Variants in KLF12 observed in about 807,000 individuals in gnomAD.
KLF12 encodes Krueppel-like factor 12.
In KLF12, 9 loss-of-function variants were observed where a neutral mutation model predicts 37.8. The ratio of observed to expected loss-of-function variants is 0.24; its 90% confidence interval spans 0.14 to 0.42. The LOEUF (loss-of-function observed/expected upper bound fraction) is 0.42, where lower values mean the gene tolerates loss of function less well. Among genes scored for constraint, KLF12 ranks in the 10% least tolerant of loss-of-function variants. The probability of loss-of-function intolerance (pLI) is 1.00; values close to 1 mark genes in which losing one functional copy is unlikely to be tolerated. For missense variants in KLF12, 411 were observed against 516.0 expected, an observed-to-expected ratio of 0.80 and a Z score of 1.97; for synonymous variants, 208 against 202.1, an observed-to-expected ratio of 1.03 and a Z score of -0.25.
intron 2 of KLF12, among the ~76,000 whole-genome samples, chr13:73,965,239 A>T (rs533862753): frequency 6.6e-6 from 1 of 152,336 alleles, no homozygotes; most frequent in South Asian, 2.1e-4. Context: ...TTAATAGGTC[A>T]ATGCTGCCAC....
chr13:73,944,932 T>C (rs1170042417), intron 2 of KLF12, among the ~76,000 whole-genome samples: 2 of 152,196 alleles, frequency 1.3e-5, no homozygotes, highest in Admixed American at 1.3e-4. Context: ...AGAATGCTAA[T>C]TTCTCTGTTA....
At chr13:73,996,501 T>C (rs1218937965) in intron 1 of KLF12, among the ~76,000 whole-genome samples, 1 of 152,270 alleles carries the variant, frequency 6.6e-6, no homozygotes, top group East Asian at 1.9e-4. Flanking sequence ...GGTAGTTCTA[T>C]AATTTTTTTC....
intron 6 of KLF12, among the ~76,000 whole-genome samples, chr13:73,738,020 CAA>C (rs869166275): frequency 0.4 from 39,634 of 98,808 alleles, 5,956 homozygotes; most frequent in African/African-American, 0.49. Context: ...CTTCATTCAA[CAA>C]ACACACACAC....
intron 1 of KLF12, among the ~76,000 whole-genome samples, chr13:74,126,573 A>C (rs973413643): frequency 1.3e-5 from 2 of 152,184 alleles, no homozygotes; most frequent in African/African-American, 4.8e-5. Flanking sequence ...AAGATAATAA[A>C]CTTTCTCATA....
At chr13:74,217,674 C>G in the KLF12 span, among the ~76,000 whole-genome samples, 3 of 152,120 alleles carry the variant, frequency 2.0e-5, no homozygotes, top group East Asian at 5.8e-4. Flanking sequence ...TTGCAGTGAG[C>G]CGAGATTGCG....
chr13:74,029,421 TTTTAAG>T (rs756701304), intron 1 of KLF12, among the ~76,000 whole-genome samples: 1 of 152,120 alleles, frequency 6.6e-6, no homozygotes, highest in African/African-American at 2.4e-5. Context: ...TAAATTAAAA[TTTTAAG>T]TTTAAGATCA....
chr13:73,690,090 G>C lies in KLF12; in HGVS notation c.*5400C>G, dbSNP rs898939378. The C allele has an allele frequency of 1.3e-5, 2 of 152,478 alleles. No homozygotes were observed. The highest frequency in any genetic ancestry group is 6.6e-5 in the Admixed American group (1 of 15,252). The allele number at this position is 152,478 out of a possible 1,614,324, so 9.4% of individuals were successfully genotyped here. On this transcript the variant is annotated 3_prime_UTR_variant, in exon 8 of 8. Transcript: ENST00000377669. ...AGCGTTTTTTGTGGGCATGTGAACA[G>C]ATTTGATTTACTATGTGTATGTATT... is the stretch of plus-strand genomic sequence containing the variant.
chr13:73,987,865 C>CA (rs1361892383), intron 2 of KLF12, among the ~76,000 whole-genome samples: 1 of 149,564 alleles, frequency 6.7e-6, no homozygotes, highest in Admixed American at 6.6e-5. Flanking sequence ...AGAGGAACTG[C>CA]AGGGAGAGGG....
intron 3 of KLF12, among the ~76,000 whole-genome samples, chr13:73,908,937 T>C (rs1025598419): frequency 1.3e-5 from 2 of 152,152 alleles, no homozygotes; most frequent in South Asian, 2.1e-4. Flanking sequence ...ATAAAATATT[T>C]GATGAATGAA....
intron 1 of KLF12, among the ~76,000 whole-genome samples, chr13:74,117,398 A>G (rs1316864692): frequency 6.6e-6 from 1 of 152,230 alleles, no homozygotes; most frequent in Non-Finnish European, 1.5e-5. Context: ...AAAAATCTAA[A>G]TAAGAGACTA....
chr13:74,291,505 T>C, the KLF12 span, among the ~76,000 whole-genome samples: 16 of 152,260 alleles, frequency 1.1e-4, no homozygotes, highest in Admixed American at 9.8e-4. Flanking sequence ...GACAACAAGG[T>C]CAGTCTGTTC....
the KLF12 span, among the ~76,000 whole-genome samples, chr13:74,174,996 A>C: frequency 1.3e-5 from 2 of 152,328 alleles, no homozygotes; most frequent in African/African-American, 2.4e-5. Flanking sequence ...CACAGCTTCC[A>C]CTGCCACTAA....
At chr13:74,213,894 T>C in the KLF12 span, among the ~76,000 whole-genome samples, 3 of 152,148 alleles carry the variant, frequency 2.0e-5, no homozygotes, top group Admixed American at 1.3e-4. Context: ...AATTACTATG[T>C]ATTTCTCTCT....
chr13:73,930,648 C>T (rs995945300), intron 3 of KLF12, among the ~76,000 whole-genome samples: 1 of 151,982 alleles, frequency 6.6e-6, no homozygotes, highest in Non-Finnish European at 1.5e-5. Flanking sequence ...GAGTAAAATC[C>T]AGAATACAGA....
chr13:74,013,722 T>G (rs917377640), intron 1 of KLF12, among the ~76,000 whole-genome samples: 1 of 152,142 alleles, frequency 6.6e-6, no homozygotes, highest in African/African-American at 2.4e-5. Context: ...AGCATCTATT[T>G]TACTTGTAGG....
chr13:73,828,274 T>C (rs1039445490), intron 4 of KLF12, among the ~76,000 whole-genome samples: 1 of 152,210 alleles, frequency 6.6e-6, no homozygotes, highest in East Asian at 1.9e-4. Flanking sequence ...CACTGTACTA[T>C]ATCTAGATGT....
chr13:74,064,994 T>A (rs1299454872), intron 1 of KLF12, among the ~76,000 whole-genome samples: 1 of 152,158 alleles, frequency 6.6e-6, no homozygotes, highest in African/African-American at 2.4e-5. Flanking sequence ...TGTACACACA[T>A]ACACATACTT....
intron 1 of KLF12, among the ~76,000 whole-genome samples, chr13:74,006,995 T>C (rs1230170941): frequency 1.3e-5 from 2 of 152,186 alleles, no homozygotes; most frequent in South Asian, 2.1e-4. Flanking sequence ...TCAATTTACA[T>C]TTACTTTCAC....
chr13:74,150,984 C>T, the KLF12 span, among the ~76,000 whole-genome samples: 1 of 152,210 alleles, frequency 6.6e-6, no homozygotes, highest in Admixed American at 6.5e-5. Context: ...TTTTCAATGA[C>T]TTTGATTCCA....
Sources: allele counts gnomAD v4.1 joint callset (sites outside exome capture counted in the v4.1 genomes callset), GRCh38; gene constraint gnomAD v4.1.1; transcripts MANE v1.5; gene names NCBI Gene and HGNC (gene_info 2026-07-23, HGNC 2026-07-21).